PUM2: variants seen among roughly 807,000 people sequenced by gnomAD.
PUM2 encodes pumilio RNA binding family member 2, also known as pumilio homolog 2.
Under a neutral mutation model 124.5 loss-of-function variants are expected in PUM2, and 57 were observed. The ratio of observed to expected loss-of-function variants is 0.46; its 90% CI spans 0.37 to 0.57. PUM2 has a LOEUF of 0.57. PUM2 is among the 20% of genes least tolerant of loss of function. The pLI is 0.00. For synonymous variants in PUM2, 460 were observed against 446.1 expected (o/e 1.03, Z -0.39); for missense variants, 1,065 against 1,290.6 (o/e 0.83, Z 2.68).
chr2:20,348,797 C>CA (rs781248276), intron 1 of PUM2, among the ~76,000 whole-genome samples: 3,478 of 152,294 alleles, frequency 0.023, 91 homozygotes, highest in East Asian at 0.12. Context: ...GTGGCGTGCG[C>CA]CTGTACCCCC....
In PUM2 at chr2:20,263,299, G is replaced by T. The variant is rs757698385; in HGVS notation, c.2119C>A (p.Arg707Ser). Residue 707 changes from arginine (R) to serine (S), a missense_variant, in exon 14 of 21, where the codon CGC becomes AGC. Physicochemically the swap from Arg to Ser is moderately radical, Grantham distance 110. Transcript: ENST00000361078. ...YNRSDIMPSG[R>S]SRLLEDFRNN... is the part of the protein sequence containing the mutation. The stretch of plus-strand genomic sequence containing the variant: ...CTGAAATCTTCCAATAATCTACTGC[G>T]GCCAGAAGGCATAATATCAGACCTA... 5.6e-6 allele frequency: 9 copies of T among 1,613,878 alleles called. No homozygotes were observed. The highest frequency in any genetic ancestry group is 7.6e-6 in the Non-Finnish European group (9 of 1,179,780).
At position 20,327,299 on chromosome 2, in the gene PUM2, CA is replaced by C. The variant is rs1445051964; in HGVS notation, c.51+10del. Reference sequence around the variant, plus strand: ...GTGAGGTGTAAGTTCTTAGTATTTGCAAACATTTACCTCTCCCATTCCCCGA... The same window carrying C: ...GTGAGGTGTAAGTTCTTAGTATTTGCAACATTTACCTCTCCCATTCCCCGA... On this transcript the variant is annotated intron_variant, in intron 2 of 20. Transcript: ENST00000361078. The C allele has an allele frequency of 1.3e-6, 2 of 1,526,468 alleles. No individual in the cohort carries two copies. The highest frequency in any genetic ancestry group is 3.5e-5 in the Admixed American group (2 of 57,290). The allele number at this position is 1,526,468 out of a possible 1,614,324, so 94.6% of individuals were successfully genotyped here. A position where few individuals can be genotyped will look rare whatever the true frequency, so the allele number is the denominator to read the frequency against.
intron 2 of PUM2, among the ~76,000 whole-genome samples, chr2:20,322,401 T>C (rs960648480): frequency 3.9e-5 from 6 of 151,990 alleles, no homozygotes; most frequent in African/African-American, 9.7e-5. Flanking sequence ...TGGCCAACAC[T>C]GTGAGACCCT....
At chr2:20,286,028 C>T (rs10167509) in intron 10 of PUM2, among the ~76,000 whole-genome samples, 5,287 of 152,178 alleles carry the variant, frequency 0.035, 90 homozygotes, top group Middle Eastern at 0.068. Flanking sequence ...GAAAGAGAGA[C>T]GGAGCAAAGA....
chr2:20,261,761 G>C (rs905121727), intron 14 of PUM2, among the ~76,000 whole-genome samples: 9 of 152,138 alleles, frequency 5.9e-5, no homozygotes, highest in African/African-American at 2.2e-4. Flanking sequence ...TCTGTAAACA[G>C]AAAAAGTCTC....
intron 16 of PUM2, 84 bp downstream of exon 16, chr2:20,258,159 C>T (rs1160905367): frequency 3.1e-6 from 4 of 1,280,874 alleles, no homozygotes; most frequent in Non-Finnish European, 4.2e-6. Flanking sequence ...CTTTTCACTT[C>T]AAGATTACTG....
chr2:20,253,148 A>G (rs1410300647), intron 20 of PUM2, among the ~76,000 whole-genome samples: 3 of 152,232 alleles, frequency 2.0e-5, no homozygotes, highest in African/African-American at 7.2e-5. Context: ...AAAAAGAACA[A>G]TGTAAAACAT....
At chr2:20,316,343 T>C (rs1202394629) in intron 3 of PUM2, among the ~76,000 whole-genome samples, 1 of 152,140 alleles carries the variant, frequency 6.6e-6, no homozygotes, top group Non-Finnish European at 1.5e-5. Context: ...TATAGAAGCA[T>C]TAAATCTTCT....
At chr2:20,252,538 G>C (rs887575630) in intron 20 of PUM2, among the ~76,000 whole-genome samples, 4 of 152,118 alleles carry the variant, frequency 2.6e-5, no homozygotes, top group Admixed American at 2.6e-4. Flanking sequence ...ACGACCAAAG[G>C]GGTTATGTAA....
chr2:20,253,302 C>A (rs1663917361), intron 20 of PUM2, among the ~76,000 whole-genome samples: 1 of 152,172 alleles, frequency 6.6e-6, no homozygotes, highest in African/African-American at 2.4e-5. Flanking sequence ...ACCTCCGGGA[C>A]TCAGGCGATC....
At chr2:20,264,445 GTTA>G (rs1667181566) in intron 13 of PUM2, among the ~76,000 whole-genome samples, 2 of 125,112 alleles carry the variant, frequency 1.6e-5, no homozygotes, top group Admixed American at 9.4e-5. Flanking sequence ...ATAAACAGCA[GTTA>G]TTATTCCTAG....
chr2:20,268,105 C>G (rs1004000118), intron 13 of PUM2, among the ~76,000 whole-genome samples: 3 of 152,026 alleles, frequency 2.0e-5, no homozygotes, highest in African/African-American at 2.4e-5. Flanking sequence ...TATTTTCTAC[C>G]CTCTGGGATT....
At chr2:20,317,495 T>C (rs1003893160) in intron 3 of PUM2, among the ~76,000 whole-genome samples, 2 of 152,130 alleles carry the variant, frequency 1.3e-5, no homozygotes, top group Non-Finnish European at 2.9e-5. Context: ...AGACTAAAAA[T>C]TTCTATGGTT....
At position 20,263,393 on chromosome 2, in the gene PUM2, A is replaced by G. The variant is rs1488438620; in HGVS notation, c.2025T>C (p.Ser675=). Residue 675 remains serine (S), a synonymous_variant, in exon 14 of 21, where the codon AGT becomes AGC. Transcript: ENST00000361078. ...AAPGAEAKYR[S]ASSTSSLFSS... is the part of the protein sequence containing the mutation. Reference sequence around the variant, plus strand: ...TAAATAGACTGGAAGTGCTTGAAGCACTTCGATATTTTGCTTCTGCTCCAG... The same window carrying G: ...TAAATAGACTGGAAGTGCTTGAAGCGCTTCGATATTTTGCTTCTGCTCCAG... The G allele has an allele frequency of 8.7e-6, 14 of 1,614,074 alleles. No homozygotes were observed. Among genetic ancestry groups the G allele is most frequent in the Non-Finnish European group, 1.2e-5 (14 of 1,179,886 alleles).
chr2:20,323,380 G>GGAGATTGCAGTGAGCC (rs1357058852), intron 2 of PUM2, among the ~76,000 whole-genome samples: 1 of 151,150 alleles, frequency 6.6e-6, no homozygotes, highest in African/African-American at 2.4e-5. Context: ...CCTGGGAGGT[G>GGAGATTGCAGTGAGCC]GAGATTGCAG....
At chr2:20,273,119 T>C (rs1669418897) in intron 13 of PUM2, among the ~76,000 whole-genome samples, 1 of 152,242 alleles carries the variant, frequency 6.6e-6, no homozygotes, top group Non-Finnish European at 1.5e-5. Context: ...TCTTGGTAGA[T>C]TAAAATAATC....
intron 13 of PUM2, among the ~76,000 whole-genome samples, chr2:20,277,442 T>C (rs1350802597): frequency 6.6e-6 from 1 of 152,122 alleles, no homozygotes; most frequent in South Asian, 2.1e-4. Flanking sequence ...TGGCTGTATA[T>C]GTTCAGTATC....
chr2:20,259,058 T>C (rs139767664), intron 15 of PUM2, among the ~76,000 whole-genome samples: 3 of 152,304 alleles, frequency 2.0e-5, no homozygotes, highest in African/African-American at 4.8e-5. Context: ...CATTCTGATA[T>C]GATTGAGGAA....
rs1297849820 is a variant in PUM2 at position 20,256,135 on chromosome 2, G to A, written c.2520C>T (p.Leu840=). 6.2e-6 allele frequency: 10 copies of A among 1,600,328 alleles called. No individual in the cohort carries two copies. Among genetic ancestry groups the A allele is most frequent in the African/African-American group, 1.4e-5 (1 of 73,968 alleles). ...TTCCATTCTGATCTTTCACACATTT[G>A]AGCACATGACCATCCAGCTCCTTTA... ...EMVKELDGHV[L]KCVKDQNGNH... is the part of the protein sequence containing the mutation. The change falls in exon 17 of 21, where the codon CTC becomes CTT. Residue 840 remains leucine (L), a synonymous_variant. Coordinates refer to ENST00000361078, the MANE Select transcript of PUM2 (RefSeq NM_015317.5).
Sources: gnomAD v4.1 joint callset for allele counts (sites outside exome capture counted in the v4.1 genomes callset) on GRCh38, gnomAD v4.1.1 for gene constraint, MANE v1.5 for transcripts, NCBI Gene and HGNC (gene_info 2026-07-23, HGNC 2026-07-21) for gene names.